The following STAG1 variants were observed in gnomAD, a reference collection of about 807,000 sequenced individuals.
STAG1 encodes the protein STAG1 cohesin complex component, also known as cohesin subunit SA-1.
Under a neutral mutation model 170.9 loss-of-function variants are expected in STAG1, and 26 were observed. The observed-to-expected ratio is 0.15, with a 90% CI of 0.11 to 0.21. The LOEUF is 0.21. Among genes scored for constraint, STAG1 ranks in the 10% least tolerant of loss-of-function variants. The pLI is 1.00. For synonymous variants in STAG1, 514 were observed against 497.7 expected (o/e 1.03, Z -0.44); for missense variants, 964 against 1,509.5 (o/e 0.64, Z 5.99).
intron 15 of STAG1, among the ~76,000 whole-genome samples, chr3:136,439,857 C>T (rs2088579741): frequency 6.6e-6 from 1 of 152,182 alleles, no homozygotes; most frequent in Non-Finnish European, 1.5e-5. Flanking sequence ...CAAAAATGTT[C>T]CCATCTGGTA....
intron 12 of STAG1, among the ~76,000 whole-genome samples, chr3:136,467,096 T>C (rs938274017): frequency 6.6e-6 from 1 of 152,172 alleles, no homozygotes; most frequent in Non-Finnish European, 1.5e-5. Context: ...CCGCATCAAC[T>C]AATGAGCAAA....
At chr3:136,627,067 A>G (rs1940135332) in intron 2 of STAG1, among the ~76,000 whole-genome samples, 1 of 152,198 alleles carries the variant, frequency 6.6e-6, no homozygotes, top group Non-Finnish European at 1.5e-5. Context: ...AAACTAACCT[A>G]TTCTTCAGCA....
chr3:136,438,994 C>T (rs967804183), intron 15 of STAG1, among the ~76,000 whole-genome samples: 3 of 151,356 alleles, frequency 2.0e-5, no homozygotes, highest in Non-Finnish European at 4.4e-5. Context: ...GTCAGTAGTT[C>T]GAGACCAGCC....
chr3:136,538,139 A>T (rs1227023540), intron 6 of STAG1, among the ~76,000 whole-genome samples: 1 of 152,202 alleles, frequency 6.6e-6, no homozygotes, highest in Non-Finnish European at 1.5e-5. Flanking sequence ...CAGTATTTTG[A>T]TCAGAATAGT....
At position 136,443,193 on chromosome 3, in the gene STAG1, T is replaced by C. The variant is rs895076484; in HGVS notation, c.1546+94A>G. On this transcript the variant is annotated intron_variant, in intron 15 of 33. Coordinates refer to ENST00000383202, the MANE Select transcript of STAG1 (RefSeq NM_005862.3). ...TTGGCAAAAAGACACAACATGCTTA[T>C]ATATGCTCATTTTTAAGAAGCGATC... 1.0e-5 allele frequency: 8 copies of C among 763,490 alleles called. No individual in the cohort carries two copies. The African/African-American group carries it at 1.4e-4, about 13-fold the overall frequency. The allele number at this position is 763,490 out of a possible 1,614,324, so 47.3% of individuals were successfully genotyped here.
intron 25 of STAG1, among the ~76,000 whole-genome samples, chr3:136,366,140 TA>T (rs1032152980): frequency 5.9e-5 from 9 of 152,060 alleles, no homozygotes; most frequent in African/African-American, 2.2e-4. Flanking sequence ...TAGACAAGCC[TA>T]AAATAAAATC....
rs1259504939 is a variant in STAG1 at position 136,417,989 on chromosome 3, T to A, written c.2109-17A>T. ...TCATGTGCACTGAAATAAACAAAAA[T>A]GCATCTGTTTTATTCTAGAATGGAA... is the stretch of plus-strand genomic sequence containing the variant. On this transcript the variant is annotated splice_polypyrimidine_tract_variant and intron_variant, in intron 20 of 33. Coordinates refer to ENST00000383202, the MANE Select transcript of STAG1 (RefSeq NM_005862.3). The A allele has an allele frequency of 2.5e-6, 4 of 1,568,930 alleles. No individual in the cohort carries two copies. The highest frequency in any genetic ancestry group is 2.6e-6 in the Non-Finnish European group (3 of 1,139,386).
intron 13 of STAG1, among the ~76,000 whole-genome samples, chr3:136,463,742 T>TGTGC (rs1553725782): frequency 7.5e-5 from 6 of 79,502 alleles, no homozygotes; most frequent in East Asian, 7.1e-4. Flanking sequence ...TATATGTGTG[T>TGTGC]GTGTGTGTGT....
chr3:136,640,680 T>G (rs547248586), intron 1 of STAG1, among the ~76,000 whole-genome samples: 7 of 139,770 alleles, frequency 5.0e-5, no homozygotes, highest in African/African-American at 1.6e-4. Context: ...GTTTTGTTGT[T>G]TTTTTTTTTT....
At chr3:136,661,676 G>GGA (rs1407267122) in intron 1 of STAG1, among the ~76,000 whole-genome samples, 1 of 152,026 alleles carries the variant, frequency 6.6e-6, no homozygotes, top group Non-Finnish European at 1.5e-5. Context: ...TTTACATAAG[G>GGA]GAGACTCAAC....
At chr3:136,722,488 A>C (rs1404919866) in intron 1 of STAG1, among the ~76,000 whole-genome samples, 1 of 152,146 alleles carries the variant, frequency 6.6e-6, no homozygotes, top group African/African-American at 2.4e-5. Flanking sequence ...GGAAGTGGTA[A>C]AGTAAGGGGG....
chr3:136,408,226 G>C (rs2087536301), intron 21 of STAG1, among the ~76,000 whole-genome samples: 1 of 152,044 alleles, frequency 6.6e-6, no homozygotes, highest in Non-Finnish European at 1.5e-5. Flanking sequence ...TAAATTCCTG[G>C]AACCACAAAT....
intron 26 of STAG1, among the ~76,000 whole-genome samples, chr3:136,360,586 T>C (rs1936824467): frequency 1.3e-5 from 2 of 152,228 alleles, no homozygotes; most frequent in Non-Finnish European, 2.9e-5. Context: ...TCTTCAGCAA[T>C]AGATTGGCCT....
At chr3:136,541,538 T>TCA (rs59155124) in intron 6 of STAG1, among the ~76,000 whole-genome samples, 16,958 of 123,038 alleles carry the variant, frequency 0.14, 1,182 homozygotes, top group African/African-American at 0.2. Flanking sequence ...AGCTTAACAT[T>TCA]CACACACACA....
chr3:136,420,244 CAAAA>C (rs71157379), intron 20 of STAG1, among the ~76,000 whole-genome samples: 1 of 36,952 alleles, frequency 2.7e-5, no homozygotes, highest in African/African-American at 1.1e-4. Context: ...GAGACTCTGT[CAAAA>C]AAAAAAAAAA....
intron 1 of STAG1, among the ~76,000 whole-genome samples, chr3:136,684,055 C>T (rs943510327): frequency 1.3e-5 from 2 of 152,172 alleles, no homozygotes; most frequent in Admixed American, 1.3e-4. Flanking sequence ...AGAAATATTA[C>T]ATGCTTGTGG....
intron 16 of STAG1, among the ~76,000 whole-genome samples, chr3:136,427,060 TA>T (rs1053830833): frequency 0.017 from 2,049 of 119,862 alleles, 17 homozygotes; most frequent in East Asian, 0.044. Flanking sequence ...ACTCGTCTCT[TA>T]AAAAAAAAAA....
At chr3:136,478,646 AC>A (rs2089827053) in intron 9 of STAG1, among the ~76,000 whole-genome samples, 2 of 152,144 alleles carry the variant, frequency 1.3e-5, no homozygotes, top group South Asian at 4.1e-4. Context: ...CTCTTTGGTG[AC>A]AAAATTCCTT....
chr3:136,647,346 G>C (rs1455431385), intron 1 of STAG1, among the ~76,000 whole-genome samples: 1 of 152,120 alleles, frequency 6.6e-6, no homozygotes, highest in Non-Finnish European at 1.5e-5. Flanking sequence ...CCAGGCGGGC[G>C]ATCACCTGAG....
Sources: allele counts gnomAD v4.1 joint callset (sites outside exome capture counted in the v4.1 genomes callset), GRCh38; gene constraint gnomAD v4.1.1; transcripts MANE v1.5; gene names NCBI Gene and HGNC (gene_info 2026-07-23, HGNC 2026-07-21).